The following PCDH15 variants were observed in gnomAD, a reference collection of about 807,000 sequenced individuals.
PCDH15 encodes the protein protocadherin-15.
A neutral mutation model predicts 178.5 loss-of-function variants in PCDH15; 129 were observed. The ratio of observed to expected loss-of-function variants is 0.72; its 90% CI spans 0.63 to 0.84. The LOEUF (loss-of-function observed/expected upper bound fraction) is 0.84, where lower values mean the gene tolerates loss of function less well. Among genes scored for constraint, PCDH15 ranks in the 40% least tolerant of loss-of-function variants. PCDH15 has a pLI of 0.00. For missense variants in PCDH15, 2,230 were observed against 2,099.9 expected (o/e 1.06, Z -1.21); for synonymous variants, 800 against 732.0 (o/e 1.09, Z -1.50).
rs1173377441 is a variant in PCDH15 at position 54,655,256 on chromosome 10, A to AAGAGAGAGAGAGAGAGAGAGAGAGAGAG, written c.91+8888_91+8915dup. Among the ~76,000 whole-genome samples, 26 of 48,894 alleles carry AAGAGAGAGAGAGAGAGAGAGAGAGAGAG rather than the reference A, an allele frequency of 5.3e-4. 1 individual carries two copies. Among genetic ancestry groups the AAGAGAGAGAGAGAGAGAGAGAGAGAGAG allele is most frequent in the East Asian group, 6.0e-4 (1 of 1,668 alleles). 32.1% of individuals were successfully genotyped at this position (48,894 alleles called of 152,430 possible). ...AGGAAGGGAAAGAAAGAAAGAAAGA[A>AAGAGAGAGAGAGAGAGAGAGAGAGAGAG]AGAGAGAGAGAGAGAGAGAGAGAGA... On this transcript the variant is annotated intron_variant, in intron 2 of 37. Transcript: ENST00000644397.
intron 6 of PCDH15, 127 bp from the exon 7 acceptor site, chr10:54,329,833 TAA>T: frequency 2.7e-6 from 2 of 729,464 alleles, no homozygotes; most frequent in Non-Finnish European, 5.0e-6. Context: ...AGAATGACTA[TAA>T]GCTTCAGAGT....
intron 21 of PCDH15, among the ~76,000 whole-genome samples, chr10:53,964,413 T>TA (rs529636121): frequency 6.9e-6 from 1 of 144,698 alleles, no homozygotes; most frequent in Non-Finnish European, 1.5e-5. Flanking sequence ...AAAATTTTTA[T>TA]AAATTTTATT....
intron 3 of PCDH15, among the ~76,000 whole-genome samples, chr10:54,387,617 A>G (rs1261288476): frequency 6.6e-6 from 1 of 151,980 alleles, no homozygotes; most frequent in African/African-American, 2.4e-5. Flanking sequence ...GTATCAAAAA[A>G]CTCACCATAT....
At chr10:54,104,845 C>CAAAAAAAAAAA (rs56195842) in intron 15 of PCDH15, among the ~76,000 whole-genome samples, 1 of 48,642 alleles carries the variant, frequency 2.1e-5, no homozygotes. Flanking sequence ...TCAACAACAA[C>CAAAAAAAAAAA]AAAAAAAAAA....
At chr10:54,191,010 A>C (rs908437024) in intron 11 of PCDH15, among the ~76,000 whole-genome samples, 13 of 152,226 alleles carry the variant, frequency 8.5e-5, no homozygotes, top group Non-Finnish European at 1.8e-4. Flanking sequence ...TCTAAGAATT[A>C]GAGTTGTTCA....
At chr10:54,520,482 A>G (rs2082731006) in intron 3 of PCDH15, among the ~76,000 whole-genome samples, 2 of 152,196 alleles carry the variant, frequency 1.3e-5, no homozygotes, top group South Asian at 2.1e-4. Flanking sequence ...ATCACTGGCC[A>G]TCAGAGAAAT....
chr10:55,024,425 A>T (rs1289830577), intron 2 of PCDH15, among the ~76,000 whole-genome samples: 2 of 145,370 alleles, frequency 1.4e-5, no homozygotes, highest in Admixed American at 7.1e-5. Context: ...ATATAGAAAG[A>T]GATAAAGGGA....
At chr10:54,100,653 T>A (rs1236168656) in intron 15 of PCDH15, among the ~76,000 whole-genome samples, 1 of 152,158 alleles carries the variant, frequency 6.6e-6, no homozygotes, top group Admixed American at 6.6e-5. Flanking sequence ...GAAAGAAGAA[T>A]GCACAATAGA....
chr10:54,124,784 A>G (rs1175838224), intron 15 of PCDH15, among the ~76,000 whole-genome samples: 5 of 152,212 alleles, frequency 3.3e-5, no homozygotes, highest in Non-Finnish European at 7.3e-5. Flanking sequence ...TACAAGAAAT[A>G]TTCATCAAAA....
intron 8 of PCDH15, among the ~76,000 whole-genome samples, chr10:54,312,302 T>G (rs753679119): frequency 3.3e-5 from 5 of 152,104 alleles, no homozygotes; most frequent in Non-Finnish European, 7.4e-5. Context: ...CTAGAATGGA[T>G]TCAAAATAAC....
chr10:54,790,532 C>A (rs1348114607), intron 1 of PCDH15, among the ~76,000 whole-genome samples: 1 of 151,690 alleles, frequency 6.6e-6, no homozygotes, highest in Non-Finnish European at 1.5e-5. Flanking sequence ...ACCTTCTTTG[C>A]AGGCTGCTTA....
intron 1 of PCDH15, among the ~76,000 whole-genome samples, chr10:54,704,241 G>C (rs192759918): frequency 2.4e-4 from 36 of 152,144 alleles, no homozygotes; most frequent in Admixed American, 2.4e-3. Context: ...AACAAAAATT[G>C]ACAACCGGGA....
intron 2 of PCDH15, among the ~76,000 whole-genome samples, chr10:55,099,220 T>C (rs1216828208): frequency 1.3e-5 from 2 of 152,134 alleles, no homozygotes; most frequent in East Asian, 3.9e-4. Flanking sequence ...ACATAGCCAC[T>C]CTTTATTGTT....
intron 2 of PCDH15, among the ~76,000 whole-genome samples, chr10:55,329,873 C>T (rs1844150964): frequency 1.3e-5 from 2 of 151,662 alleles, no homozygotes; most frequent in Non-Finnish European, 3.0e-5. Context: ...TTCCCAAGAC[C>T]TATTAAGGTG....
chr10:54,632,753 T>A (rs1487666793), intron 2 of PCDH15, among the ~76,000 whole-genome samples: 1 of 152,028 alleles, frequency 6.6e-6, no homozygotes, highest in Non-Finnish European at 1.5e-5. Context: ...GATCAAAAGG[T>A]GAACACACAG....
chr10:55,079,483 C>T (rs1276681295), intron 2 of PCDH15, among the ~76,000 whole-genome samples: 2 of 152,162 alleles, frequency 1.3e-5, no homozygotes, highest in Admixed American at 1.3e-4. Flanking sequence ...TAGCCCCAGT[C>T]ATGACAACTG....
intron 2 of PCDH15, among the ~76,000 whole-genome samples, chr10:55,497,674 T>C (rs1307621978): frequency 6.6e-6 from 1 of 151,894 alleles, no homozygotes; most frequent in Non-Finnish European, 1.5e-5. Context: ...AAACAGTGTT[T>C]CTGAATGCTC....
intron 1 of PCDH15, among the ~76,000 whole-genome samples, chr10:55,302,503 C>T (rs1406213442): frequency 2.6e-5 from 4 of 152,126 alleles, no homozygotes; most frequent in African/African-American, 4.8e-5. Context: ...CAAGGAAAAC[C>T]GTATTTTGCA....
chr10:54,796,381 T>C (rs1001678123), intron 1 of PCDH15, among the ~76,000 whole-genome samples: 7 of 151,858 alleles, frequency 4.6e-5, no homozygotes, highest in Admixed American at 4.6e-4. Flanking sequence ...TATGTATGCC[T>C]GTCTCAGTCT....
Sources: allele counts gnomAD v4.1 joint callset (sites outside exome capture counted in the v4.1 genomes callset), GRCh38; gene constraint gnomAD v4.1.1; transcripts MANE v1.5; gene names NCBI Gene and HGNC (gene_info 2026-07-23, HGNC 2026-07-21).